The following TSGA10 variants were observed in gnomAD, a reference collection of about 807,000 sequenced individuals.
TSGA10 encodes the protein testis specific 10.
In TSGA10, 43 loss-of-function variants were observed where a neutral mutation model predicts 96.6. That is an observed-to-expected ratio of 0.44 (90% CI 0.35 to 0.57). TSGA10 has a LOEUF of 0.57. TSGA10 is among the 20% of genes least tolerant of loss of function. The pLI, the probability that TSGA10 is intolerant of heterozygous loss-of-function variation, is 0.01. For synonymous variants in TSGA10, 229 were observed against 269.9 expected, an observed-to-expected ratio of 0.85 and a Z score of 1.48; for missense variants, 703 against 834.4, an observed-to-expected ratio of 0.84 and a Z score of 1.94.
intron 2 of TSGA10, among the ~76,000 whole-genome samples, chr2:99,122,943 C>G (rs553678075): frequency 2.0e-5 from 3 of 152,266 alleles, no homozygotes; most frequent in African/African-American, 7.2e-5. Context: ...TAGGGTAGCT[C>G]TGCTGGCACA....
chr2:99,005,511 G>C (rs955334582), intron 20 of TSGA10, among the ~76,000 whole-genome samples: 6 of 152,084 alleles, frequency 3.9e-5, no homozygotes, highest in African/African-American at 1.4e-4. Context: ...GACAGACAGA[G>C]AGCCAAATCA....
At chr2:99,031,949 G>C (rs2081176493) in intron 17 of TSGA10, among the ~76,000 whole-genome samples, 2 of 152,192 alleles carry the variant, frequency 1.3e-5, no homozygotes, top group South Asian at 4.1e-4. Flanking sequence ...ATTAACATTA[G>C]CAGAGAGGTT....
chr2:99,088,799 CA>C (rs1247437516), intron 10 of TSGA10, among the ~76,000 whole-genome samples: 1 of 152,150 alleles, frequency 6.6e-6, no homozygotes, highest in Admixed American at 6.5e-5. Flanking sequence ...TATCTATCAA[CA>C]AAGTATTAAT....
At chr2:99,130,925 ATGGTTG>A (rs1297751325) in intron 1 of TSGA10, among the ~76,000 whole-genome samples, 1 of 152,110 alleles carries the variant, frequency 6.6e-6, no homozygotes, top group Non-Finnish European at 1.5e-5. Context: ...CAAAGATCAG[ATGGTTG>A]TAGATGTGTG....
At chr2:99,144,659 A>AAAAAAAAAAC (rs2093614012) in intron 1 of TSGA10, among the ~76,000 whole-genome samples, 1 of 150,956 alleles carries the variant, frequency 6.6e-6, no homozygotes, top group Non-Finnish European at 1.5e-5. Context: ...CAAAAAAAAA[A>AAAAAAAAAAC]AAAAAAAAAA....
At chr2:99,009,250 A>G (rs190388686) in intron 20 of TSGA10, among the ~76,000 whole-genome samples, 3 of 152,336 alleles carry the variant, frequency 2.0e-5, no homozygotes, top group African/African-American at 7.2e-5. Context: ...CAAATAAGTT[A>G]CAAACTCAGT....
At chr2:99,081,171 A>T in intron 11 of TSGA10, 111 bp downstream of exon 11, 1 of 488,620 alleles carries the variant, frequency 2.0e-6, no homozygotes, top group Non-Finnish European at 3.6e-6. Flanking sequence ...TCATAAACTT[A>T]GTTAAGGGCT....
intron 1 of TSGA10, among the ~76,000 whole-genome samples, chr2:99,145,021 C>G (rs1236517093): frequency 6.6e-6 from 1 of 152,190 alleles, no homozygotes; most frequent in Non-Finnish European, 1.5e-5. Context: ...TATTATCACA[C>G]GGTTCTGGAG....
intron 10 of TSGA10, among the ~76,000 whole-genome samples, chr2:99,084,249 G>A (rs887958690): frequency 1.3e-5 from 2 of 152,186 alleles, no homozygotes; most frequent in African/African-American, 4.8e-5. Context: ...ATATGGTTTG[G>A]ATGTTTGTCC....
chr2:99,005,422 C>G (rs2078375741), intron 20 of TSGA10, among the ~76,000 whole-genome samples: 1 of 152,174 alleles, frequency 6.6e-6, no homozygotes, highest in African/African-American at 2.4e-5. Context: ...TCTCCTTAAG[C>G]TGATAGGCAA....
At chr2:99,026,392 A>T (rs2080563234) in intron 17 of TSGA10, among the ~76,000 whole-genome samples, 1 of 152,172 alleles carries the variant, frequency 6.6e-6, no homozygotes, top group Non-Finnish European at 1.5e-5. Flanking sequence ...AAAGGACAAC[A>T]AAAATATACA....
At chr2:99,134,658 C>T (rs192811465) in intron 1 of TSGA10, among the ~76,000 whole-genome samples, 4 of 152,164 alleles carry the variant, frequency 2.6e-5, no homozygotes, top group Admixed American at 1.3e-4. Context: ...GGAGAAGAGG[C>T]GTTCTGGTTT....
At chr2:99,093,609 A>G (rs967539689) in intron 10 of TSGA10, among the ~76,000 whole-genome samples, 2 of 152,096 alleles carry the variant, frequency 1.3e-5, no homozygotes, top group African/African-American at 4.8e-5. Flanking sequence ...ACCAACAGCA[A>G]TCATGCAGAA....
intron 10 of TSGA10, among the ~76,000 whole-genome samples, chr2:99,086,922 G>A (rs988256162): frequency 8.6e-5 from 13 of 151,934 alleles, no homozygotes; most frequent in Non-Finnish European, 1.9e-4. Context: ...AAAAATTTGG[G>A]GGCCGGGCGC....
Position 99,109,484 on chromosome 2 carries a change from C to T in TSGA10, c.-45G>A. The stretch of plus-strand genomic sequence containing the variant: ...TCACTCTTATAGTGATCTTTGTCTG[C>T]TTCCAAAGTCTTGACAAAGGAATCA... On this transcript the variant is annotated 5_prime_UTR_variant, in exon 6 of 21. Transcript: ENST00000393483. 1 of 1,602,382 alleles carries T rather than the reference C, an allele frequency of 6.2e-7. No individual in the cohort carries two copies. Among genetic ancestry groups the T allele is most frequent in the East Asian group, 2.2e-5 (1 of 44,682 alleles).
At chr2:99,113,585 A>G (rs879634520) in intron 4 of TSGA10, among the ~76,000 whole-genome samples, 1 of 152,126 alleles carries the variant, frequency 6.6e-6, no homozygotes, top group African/African-American at 2.4e-5. Flanking sequence ...TCTCTTTGTC[A>G]TCCAGGCTGG....
At chr2:99,099,821 C>T (rs2090491317) in intron 10 of TSGA10, among the ~76,000 whole-genome samples, 1 of 152,124 alleles carries the variant, frequency 6.6e-6, no homozygotes, top group Non-Finnish European at 1.5e-5. Context: ...AAAAAAACTT[C>T]TGTAGGTGGG....
chr2:99,007,833 C>A (rs1031664094), intron 20 of TSGA10, among the ~76,000 whole-genome samples: 1 of 152,170 alleles, frequency 6.6e-6, no homozygotes, highest in Non-Finnish European at 1.5e-5. Flanking sequence ...ACCAGCACAC[C>A]ACTGAGCTAT....
intron 17 of TSGA10, among the ~76,000 whole-genome samples, chr2:99,023,811 TTGAAATCAGGG>T (rs2080270894): frequency 6.6e-6 from 1 of 152,228 alleles, no homozygotes. Flanking sequence ...GCAGCCAGTT[TTGAAATCAGGG>T]AAGTGTGATT....
Sources: allele counts gnomAD v4.1 joint callset (sites outside exome capture counted in the v4.1 genomes callset), GRCh38; gene constraint gnomAD v4.1.1; transcripts MANE v1.5; gene names NCBI Gene and HGNC (gene_info 2026-07-23, HGNC 2026-07-21).